Variants in IL11 observed in about 807,000 individuals in gnomAD.
IL11 encodes interleukin-11.
In IL11, 17 loss-of-function variants were observed where a neutral mutation model predicts 18.1. The ratio of observed to expected loss-of-function variants is 0.94; its 90% CI spans 0.64 to 1.41. The LOEUF is 1.41. Ranked by LOEUF, IL11 falls within the 40% of genes most tolerant of loss-of-function variation. The pLI, the probability that IL11 is intolerant of heterozygous loss-of-function variation, is 0.00. For synonymous variants in IL11, 144 were observed against 134.1 expected, an observed-to-expected ratio of 1.07 and a Z score of -0.51; for missense variants, 309 against 262.8, an observed-to-expected ratio of 1.18 and a Z score of -1.22.
rs1244829142 is a variant in IL11, at chr19:55,365,648, C to A, written c.*359G>T. The A allele has an allele frequency of 6.8e-5, 16 of 233,952 alleles. No homozygotes were observed. Among genetic ancestry groups the A allele is most frequent in the Non-Finnish European group, 1.3e-4 (16 of 121,308 alleles). 14.5% of individuals were successfully genotyped at this position (233,952 alleles called of 1,614,324 possible). On this transcript the variant is annotated 3_prime_UTR_variant, in exon 5 of 5. Coordinates refer to ENST00000264563, the MANE Select transcript of IL11 (RefSeq NM_000641.4). ...AAAACCCAGGCTTCCCTTTCCCCTCCGTCCCCACCCCAACATGAAAAGTAA... is the reference window on the plus strand; with the variant it reads ...AAAACCCAGGCTTCCCTTTCCCCTCAGTCCCCACCCCAACATGAAAAGTAA...
In IL11 at chr19:55,365,817, C is replaced by T. The variant is rs781609515; in HGVS notation, c.*190G>A. On this transcript the variant is annotated 3_prime_UTR_variant, in exon 5 of 5. Coordinates refer to ENST00000264563, the MANE Select transcript of IL11 (RefSeq NM_000641.4). ...CGGGGACCCAGGAGTCCACCTGCCT[C>T]CCACCCCTGCTCCTGAAATAAATAA... 1.6e-5 allele frequency: 15 copies of T among 922,522 alleles called. No individual in the cohort carries two copies. Among genetic ancestry groups the T allele is most frequent in the Non-Finnish European group, 2.0e-5 (13 of 641,048 alleles). 57.1% of individuals were successfully genotyped at this position (922,522 alleles called of 1,614,324 possible).
chr19:55,368,351 C>A lies in IL11; in HGVS notation c.288G>T (p.Arg96Ser). 1 of 1,598,860 alleles carries A rather than the reference C, an allele frequency of 6.3e-7. No individual in the cohort carries two copies. ...GGTAGGACAGTAGGTCCGCTCGCAG[C>A]CTTGTCAGCACACCTGGGAGCTGGG... is the stretch of plus-strand genomic sequence containing the variant. ...GALQLPGVLTRLRADLLSYLR... is the reference protein window; with the variant it reads ...GALQLPGVLTSLRADLLSYLR... The change falls in exon 4 of 5, where the codon AGG becomes AGT. Residue 96 changes from arginine (R) to serine (S), a missense_variant. By Grantham distance (110) the Arg-to-Ser change is moderately radical. Coordinates refer to ENST00000264563, the MANE Select transcript of IL11 (RefSeq NM_000641.4).
rs560401168 is a variant in IL11 at position 55,365,918 on chromosome 19, G to A, written c.*89C>T. ...AACTAGGGGGAGATAATGGCGGGGG[G>A]ATCACCTGGCTGTTTCGCCCCCAGT... On this transcript the variant is annotated 3_prime_UTR_variant, in exon 5 of 5. Coordinates refer to ENST00000264563, the MANE Select transcript of IL11 (RefSeq NM_000641.4). 4.3e-5 allele frequency: 66 copies of A among 1,535,326 alleles called. No homozygotes were observed. In the South Asian group the frequency reaches 6.5e-4, roughly 15 times the overall value.
rs2089786476 is a variant in IL11, at chr19:55,366,409, G to GAGTC, written c.430-236_430-233dup. On this transcript the variant is annotated intron_variant, in intron 4 of 4. Coordinates refer to ENST00000264563, the MANE Select transcript of IL11 (RefSeq NM_000641.4). The surrounding 1 kb of genome is among the most constrained non-coding windows in gnomAD (Gnocchi z 4.6). ...GTGGGGGTTGGGGGTGAAGTCTGTG[G>GAGTC]AGTCAGGGCTGGCATCTCGGTTCTA... Among the ~76,000 whole-genome samples the GAGTC allele has an allele frequency of 6.6e-6, 1 of 152,054 alleles. No homozygotes were observed. Among genetic ancestry groups the GAGTC allele is most frequent in the African/African-American group, 2.4e-5 (1 of 41,384 alleles).
chr19:55,365,998 G>A lies in IL11; in HGVS notation c.*9C>T. ...CTTTGGAAGGACGGTGGTGGCTTTG[G>A]GCCCCGGGTCACAGCCGAGTCTTCA... On this transcript the variant is annotated 3_prime_UTR_variant, in exon 5 of 5. Transcript: ENST00000264563. The A allele has an allele frequency of 6.3e-7, 1 of 1,594,368 alleles. No homozygotes were observed. The highest frequency in any genetic ancestry group is 1.1e-5 in the South Asian group (1 of 87,766).
rs1265526281 is a variant in IL11 at position 55,368,269 on chromosome 19, G to T, written c.370C>A (p.Pro124Thr). The part of the protein sequence containing the change: ...AGGSSLKTLE[P>T]ELGTLQARLD... ...CGGGCCTGCAGGGTGCCCAGCTCGG[G>T]CTCCAGGGTCTTCAGGGAAGAGCCA... The change falls in exon 4 of 5, where the codon CCC becomes ACC. Residue 124 changes from proline (P) to threonine (T), a missense_variant. Pro to Thr is a conservative substitution (Grantham distance 38). Coordinates refer to ENST00000264563, the MANE Select transcript of IL11 (RefSeq NM_000641.4). The T allele has an allele frequency of 6.4e-7, 1 of 1,554,552 alleles. No individual in the cohort carries two copies. The highest frequency in any genetic ancestry group is 1.2e-5 in the South Asian group (1 of 84,720).
rs554607154 is a variant in IL11 at position 55,366,727 on chromosome 19, G to A, written c.430-550C>T. ...CTCAGGAGGCTGAGGCAGGAGAATC[G>A]CTTGAGCCCAGGAGGCGGAGGTTCC... is the stretch of plus-strand genomic sequence containing the variant. On this transcript the variant is annotated intron_variant, in intron 4 of 4. Coordinates refer to ENST00000264563, the MANE Select transcript of IL11 (RefSeq NM_000641.4). This position sits in a 1 kb window ranked among gnomAD's most constrained non-coding sequence, Gnocchi z 4.6. Among the ~76,000 whole-genome samples, 11 of 152,196 alleles carry A rather than the reference G, an allele frequency of 7.2e-5. No individual in the cohort carries two copies. The highest frequency in any genetic ancestry group is 2.0e-4 in the Admixed American group (3 of 15,280).
In IL11 at chr19:55,370,303, C is replaced by G. The variant is rs777386334; in HGVS notation, c.7+1G>C. The G allele has an allele frequency of 2.8e-5, 42 of 1,479,634 alleles. No individual in the cohort carries two copies. Among genetic ancestry groups the G allele is most frequent in the Non-Finnish European group, 3.6e-5 (40 of 1,105,782 alleles). 91.7% of individuals were successfully genotyped at this position (1,479,634 alleles called of 1,614,324 possible). A position where few individuals can be genotyped will look rare whatever the true frequency, so the allele number is the denominator to read the frequency against. On this transcript the variant is annotated splice_donor_variant, in intron 1 of 4. Transcript: ENST00000264563. LOFTEE classifies it high-confidence loss of function. The stretch of plus-strand genomic sequence containing the variant: ...TCCACCCTCCCCATGAACCAACTTA[C>G]AGTTCATGTCCCCACAGGGCCAGGG...
rs749026700 is a variant in IL11, at chr19:55,366,068, C to G, written c.539G>C (p.Gly180Ala). ...GIRAAHAILG[G>A]LHLTLDWAVR... ...GGCCCAGTCAAGTGTCAGGTGCAGC[C>G]CCCCCAGGATGGCGTGGGCGGCCCT... Residue 180 changes from glycine (G) to alanine (A), a missense_variant, in exon 5 of 5, where the codon GGG becomes GCG. Physicochemically the swap from Gly to Ala is moderately conservative, Grantham distance 60 (BLOSUM62 0). Transcript: ENST00000264563. The surrounding 1 kb of genome is among the most constrained non-coding windows in gnomAD (Gnocchi z 4.6). The G allele has an allele frequency of 4.4e-6, 7 of 1,599,578 alleles. No homozygotes were observed. The highest frequency in any genetic ancestry group is 1.8e-4 in the Middle Eastern group (1 of 5,656).
chr19:55,368,164 C>T, intron 4 of IL11, 46 bp downstream of exon 4: 1 of 1,470,922 alleles, frequency 6.8e-7, no homozygotes, highest in Non-Finnish European at 9.1e-7. Flanking sequence ...GATTTTGGGG[C>T]CAGGGGTGGG....
At position 55,370,397 on chromosome 19, in the gene IL11, C is replaced by G; in HGVS notation, c.-87G>C. The G allele has an allele frequency of 8.3e-7, 1 of 1,211,902 alleles. No homozygotes were observed. The highest frequency in any genetic ancestry group is 2.1e-5 in the South Asian group (1 of 48,774). 75.1% of individuals were successfully genotyped at this position (1,211,902 alleles called of 1,614,324 possible). ...TCCCTGTCCGCTGCCGGGGGAGCCC[C>G]GAGGGTCAGCTGGGCCGCGGCCTGG... On this transcript the variant is annotated 5_prime_UTR_variant, in exon 1 of 5. Transcript: ENST00000264563.
rs751850550 is a variant in IL11, at chr19:55,368,305, G to A, written c.334C>T (p.Arg112Cys). Reference sequence around the variant, plus strand: ...TTCAGGGAAGAGCCACCTGCCCGGCGCAGCCACTGCACGTGCCGCAGGTAG... The same window carrying A: ...TTCAGGGAAGAGCCACCTGCCCGGCACAGCCACTGCACGTGCCGCAGGTAG... ...LSYLRHVQWL[R>C]RAGGSSLKTL... The change falls in exon 4 of 5, where the codon CGC becomes TGC. Residue 112 changes from arginine to cysteine, a missense_variant. By Grantham distance (180) the Arg-to-Cys change is radical (BLOSUM62 -3). Transcript: ENST00000264563. 1.3e-5 allele frequency: 20 copies of A among 1,584,388 alleles called. No individual in the cohort carries two copies. Among genetic ancestry groups the A allele is most frequent in the South Asian group, 1.3e-4 (11 of 87,232 alleles).
At position 55,368,944 on chromosome 19, in the gene IL11, G is replaced by C. The variant is rs1295003762; in HGVS notation, c.8-3C>G. 4.0e-6 allele frequency: 6 copies of C among 1,503,456 alleles called. No homozygotes were observed. In the African/African-American group the frequency reaches 4.2e-5, roughly 10 times the overall value. The allele number at this position is 1,503,456 out of a possible 1,614,324, so 93.1% of individuals were successfully genotyped here. On this transcript the variant is annotated splice_polypyrimidine_tract_variant and splice_region_variant and intron_variant, in intron 1 of 4. Coordinates refer to ENST00000264563, the MANE Select transcript of IL11 (RefSeq NM_000641.4). ...GACCAGGACCAGGCGGCAAACACCT[G>C]GGGGCAGGATAAGGCAGAGAGCTCA... is the stretch of plus-strand genomic sequence containing the variant.
rs4252554 is a variant in IL11 at position 55,366,801 on chromosome 19, G to A, written c.430-624C>T. On this transcript the variant is annotated intron_variant, in intron 4 of 4. Coordinates refer to ENST00000264563, the MANE Select transcript of IL11 (RefSeq NM_000641.4). The surrounding 1 kb of genome is among the most constrained non-coding windows in gnomAD (Gnocchi z 4.6). The stretch of plus-strand genomic sequence containing the variant: ...CACTCTAGCCTGGGCAACAGAGCGC[G>A]AGACTCTGTCTCCAAAAAATAATAA... Among the ~76,000 whole-genome samples, 28 of 152,132 alleles carry A rather than the reference G, an allele frequency of 1.8e-4. No individual in the cohort carries two copies. The highest frequency in any genetic ancestry group is 5.3e-4 in the African/African-American group (22 of 41,508).
chr19:55,368,119 T>A, intron 4 of IL11, 91 bp downstream of exon 4: 6 of 1,169,578 alleles, frequency 5.1e-6, no homozygotes, highest in Non-Finnish European at 7.1e-6. Flanking sequence ...TGCACTCGGG[T>A]CTGGGGTCTC....
At chr19:55,368,458 C>A in intron 3 of IL11, 25 bp downstream of exon 3, 1 of 1,588,782 alleles carries the variant, frequency 6.3e-7, no homozygotes, top group Non-Finnish European at 8.6e-7. Context: ...CCCACCTTGT[C>A]CCCAGCCCAC....
At chr19:55,367,102 G>C (rs2089790365) in intron 4 of IL11, among the ~76,000 whole-genome samples, 1 of 152,194 alleles carries the variant, frequency 6.6e-6, no homozygotes, top group South Asian at 2.1e-4. Context: ...CTCAGAGCTA[G>C]AAGTTGGAAT....
intron 2 of IL11, 39 bp from the exon 3 acceptor site, chr19:55,368,608 C>A (rs1254748568): frequency 1.3e-6 from 2 of 1,554,966 alleles, no homozygotes; most frequent in Non-Finnish European, 8.7e-7. Context: ...CCCTGCCCAG[C>A]CTCGGGGCTC....
In IL11 at chr19:55,366,496, T is replaced by C. The variant is rs1280573816; in HGVS notation, c.430-319A>G. On this transcript the variant is annotated intron_variant, in intron 4 of 4. Transcript: ENST00000264563. This position sits in a 1 kb window ranked among gnomAD's most constrained non-coding sequence, Gnocchi z 4.6. ...GGGCTGGAATCTCAGAGCTGGGTTTTTGTTGTTGTGGCTGCTGTTAGAACA... is the reference window on the plus strand; with the variant it reads ...GGGCTGGAATCTCAGAGCTGGGTTTCTGTTGTTGTGGCTGCTGTTAGAACA... Among the ~76,000 whole-genome samples the C allele has an allele frequency of 1.3e-5, 2 of 151,806 alleles. No homozygotes were observed. Among genetic ancestry groups the C allele is most frequent in the Admixed American group, 1.3e-4 (2 of 15,228 alleles).
Sources: gnomAD v4.1 joint callset for allele counts (sites outside exome capture counted in the v4.1 genomes callset) on GRCh38, gnomAD v4.1.1 for gene constraint, Gnocchi (gnomAD v3.1) non-coding constraint, MANE v1.5 for transcripts, NCBI Gene and HGNC (gene_info 2026-07-23, HGNC 2026-07-21) for gene names.